DUS4L: variants seen among roughly 807,000 people sequenced by gnomAD.
DUS4L encodes dihydrouridine synthase 4 like.
Under a neutral mutation model 33.8 loss-of-function variants are expected in DUS4L, and 31 were observed. The observed-to-expected ratio is 0.92, with a 90% CI of 0.69 to 1.24. The LOEUF (loss-of-function observed/expected upper bound fraction) is 1.24. Among genes scored for constraint, DUS4L ranks in the 50% most tolerant of loss-of-function variants. The pLI, the probability that DUS4L is intolerant of heterozygous loss-of-function variation, is 0.00. For synonymous variants in DUS4L, 103 were observed against 120.3 expected (o/e 0.86, Z 0.94); for missense variants, 368 against 388.6 (o/e 0.95, Z 0.45).
intron 7 of DUS4L, 127 bp downstream of exon 7, chr7:107,576,719 A>G: frequency 5.7e-6 from 5 of 870,052 alleles, no homozygotes; most frequent in Admixed American, 3.6e-5. Flanking sequence ...TACTGTTTTA[A>G]GCTAAGCGAT....
At chr7:107,572,080 T>C (rs1300342092) in intron 4 of DUS4L, among the ~76,000 whole-genome samples, 1 of 152,094 alleles carries the variant, frequency 6.6e-6, no homozygotes. Context: ...GCTCTTATGT[T>C]GCACTTAATC....
In DUS4L at chr7:107,577,335, C is replaced by G; in HGVS notation, c.729C>G (p.Leu243=). The change falls in exon 8 of 8, where the codon CTC becomes CTG. Residue 243 remains leucine, a synonymous_variant. Coordinates refer to ENST00000265720, the MANE Select transcript of DUS4L (RefSeq NM_181581.3). ...TAGGTGTGATGGTTGCAAGAGGACT[C>G]TTAGCAAACCCGGCCATGTTTGCTG... ...GTDGVMVARG[L]LANPAMFAGY... 6.2e-7 allele frequency: 1 copy of G among 1,614,074 alleles called. No individual in the cohort carries two copies. The highest frequency in any genetic ancestry group is 1.1e-5 in the South Asian group (1 of 91,074).
intron 3 of DUS4L, among the ~76,000 whole-genome samples, chr7:107,569,253 T>G (rs1018155700): frequency 6.6e-5 from 10 of 152,210 alleles, no homozygotes; most frequent in Admixed American, 3.9e-4. Context: ...ATTCTTTGCT[T>G]CTTTGTGAGA....
chr7:107,573,783 T>G lies in DUS4L; in HGVS notation c.318T>G (p.Tyr106Ter). ...ATGCTGCTCGTATAGTCTGTCCTTA[T>G]GCGAATGGAATAGACATTAACTGTG... ...LSDAARIVCP[Y>*]ANGIDINCGC... The change falls in exon 5 of 8, where the codon TAT becomes TAG. Residue 106 changes from tyrosine to a stop codon, truncating the protein, a stop_gained. Coordinates refer to ENST00000265720, the MANE Select transcript of DUS4L (RefSeq NM_181581.3). LOFTEE classifies it high-confidence loss of function. The G allele has an allele frequency of 6.2e-7, 1 of 1,604,532 alleles. No individual in the cohort carries two copies. Among genetic ancestry groups the G allele is most frequent in the Admixed American group, 1.7e-5 (1 of 58,530 alleles).
intron 7 of DUS4L, chr7:107,577,026 A>C: frequency 2.8e-6 from 1 of 359,158 alleles, no homozygotes; most frequent in Admixed American, 4.3e-5. Context: ...TAAGCAGCCC[A>C]ATTTATGACA....
chr7:107,567,014 CAT>C (rs1804771813), intron 2 of DUS4L, 34 bp from the exon 3 acceptor site: 8 of 1,366,786 alleles, frequency 5.9e-6, no homozygotes, highest in South Asian at 1.3e-5. Context: ...ATAGTGAAAA[CAT>C]ATTTTCTCTA....
At position 107,577,829 on chromosome 7, in the gene DUS4L, G is replaced by A. The variant is rs943457561; in HGVS notation, c.*269G>A. ...GGCAAACATTGACAAATACTGCTCT[G>A]AATCCTGTTCTATAGATATTGGGGG... is the stretch of plus-strand genomic sequence containing the variant. On this transcript the variant is annotated 3_prime_UTR_variant, in exon 8 of 8. Transcript: ENST00000265720. 14 of 288,388 alleles carry A rather than the reference G, an allele frequency of 4.9e-5. No individual in the cohort carries two copies. Among genetic ancestry groups the A allele is most frequent in the African/African-American group, 2.8e-4 (13 of 46,828 alleles). 17.9% of individuals were successfully genotyped at this position (288,388 alleles called of 1,614,324 possible). A position where few individuals can be genotyped will look rare whatever the true frequency, so the allele number is the denominator to read the frequency against.
chr7:107,572,112 A>G (rs1479857974), intron 4 of DUS4L, among the ~76,000 whole-genome samples: 2 of 150,844 alleles, frequency 1.3e-5, no homozygotes, highest in Non-Finnish European at 2.9e-5. Context: ...CTGCATTATG[A>G]TTTCCTCTTT....
At chr7:107,575,610 A>G (rs1805654076) in intron 6 of DUS4L, 1 of 185,644 alleles carries the variant, frequency 5.4e-6, no homozygotes, top group Middle Eastern at 2.2e-3. Context: ...TGCCAAGTGT[A>G]GAAAATAGGA....
chr7:107,564,048 G>T lies in DUS4L; in HGVS notation c.-272G>T. On this transcript the variant is annotated 5_prime_UTR_variant, in exon 1 of 8. In the 5' UTR this introduces an upstream ATG that the reference lacks. Transcript: ENST00000265720. ...CCCGCGCCTGGGCTAAGCCTGGCTAGGAGCCGCGCAGGTACTCGAGCAGTG... is the reference window on the plus strand; with the variant it reads ...CCCGCGCCTGGGCTAAGCCTGGCTATGAGCCGCGCAGGTACTCGAGCAGTG... The T allele has an allele frequency of 1.3e-6, 2 of 1,523,036 alleles. No individual in the cohort carries two copies. The highest frequency in any genetic ancestry group is 1.4e-5 in the African/African-American group (1 of 72,786). The allele number at this position is 1,523,036 out of a possible 1,614,324, so 94.3% of individuals were successfully genotyped here. A position where few individuals can be genotyped will look rare whatever the true frequency, so the allele number is the denominator to read the frequency against.
In DUS4L at chr7:107,567,068, T is replaced by G. The variant is rs776857473; in HGVS notation, c.-3T>G. ...TTTTCAGATTTGAAACATATCTGTA[T>G]TAATGAAGAGTGACTGCATGCAAAC... On this transcript the variant is annotated 5_prime_UTR_variant, in exon 3 of 8. Coordinates refer to ENST00000265720, the MANE Select transcript of DUS4L (RefSeq NM_181581.3). 2.0e-5 allele frequency: 32 copies of G among 1,610,124 alleles called. No individual in the cohort carries two copies. Among genetic ancestry groups the G allele is most frequent in the Non-Finnish European group, 2.7e-5 (32 of 1,177,390 alleles).
Position 107,575,401 on chromosome 7 carries a change from T to C in DUS4L, c.479+91T>C. 3 of 1,393,126 alleles carry C rather than the reference T, an allele frequency of 2.2e-6. No individual in the cohort carries two copies. In the South Asian group the frequency reaches 4.2e-5, roughly 20 times the overall value. 86.3% of individuals were successfully genotyped at this position (1,393,126 alleles called of 1,614,324 possible). A position where few individuals can be genotyped will look rare whatever the true frequency, so the allele number is the denominator to read the frequency against. On this transcript the variant is annotated intron_variant, in intron 6 of 7. Transcript: ENST00000265720. ...TTTGTCTGATGCTGTTGGGAGTATC[T>C]ATCCTAAATAAATTGGTAGCTGGTG...
At chr7:107,574,247 A>G (rs1805525214) in intron 5 of DUS4L, among the ~76,000 whole-genome samples, 1 of 152,064 alleles carries the variant, frequency 6.6e-6, no homozygotes, top group African/African-American at 2.4e-5. Context: ...TTATAAAAAT[A>G]CCTTATTATA....
intron 3 of DUS4L, among the ~76,000 whole-genome samples, chr7:107,568,567 T>C (rs1804915819): frequency 6.6e-6 from 1 of 152,236 alleles, no homozygotes; most frequent in Non-Finnish European, 1.5e-5. Flanking sequence ...TCTAGATATA[T>C]ATTCTGCTTT....
chr7:107,575,340 G>A, intron 6 of DUS4L, 30 bp downstream of exon 6: 1 of 1,602,966 alleles, frequency 6.2e-7, no homozygotes, highest in Non-Finnish European at 8.5e-7. Context: ...CTATTGATAG[G>A]ATAATCCATT....
At chr7:107,569,352 C>T (rs1804993937) in intron 3 of DUS4L, among the ~76,000 whole-genome samples, 1 of 152,190 alleles carries the variant, frequency 6.6e-6, no homozygotes, top group Admixed American at 6.5e-5. Context: ...TATAATATGT[C>T]TTGAAATCAG....
chr7:107,574,337 A>G (rs1212059317), intron 5 of DUS4L, among the ~76,000 whole-genome samples: 2 of 151,168 alleles, frequency 1.3e-5, no homozygotes, highest in Non-Finnish European at 2.9e-5. Flanking sequence ...TAATTTGACA[A>G]TAATATTTCT....
chr7:107,576,308 A>T, intron 6 of DUS4L, 58 bp from the exon 7 acceptor site: 1 of 1,488,780 alleles, frequency 6.7e-7, no homozygotes, highest in Non-Finnish European at 9.2e-7. Flanking sequence ...TTAGTCAGTT[A>T]ATGTTAGCAT....
intron 2 of DUS4L, 48 bp downstream of exon 2, chr7:107,564,724 C>G (rs1050824519): frequency 6.6e-6 from 1 of 152,126 alleles, no homozygotes; most frequent in Non-Finnish European, 1.5e-5. Flanking sequence ...CGTTTTTGAC[C>G]TAGATTTCTT....
Sources: gnomAD v4.1 joint callset for allele counts (sites outside exome capture counted in the v4.1 genomes callset) on GRCh38, gnomAD v4.1.1 for gene constraint, MANE v1.5 for transcripts, NCBI Gene and HGNC (gene_info 2026-07-23, HGNC 2026-07-21) for gene names.